Variants in LRRC57 observed in about 807,000 individuals in gnomAD.
The protein encoded by LRRC57 is leucine-rich repeat-containing protein 57.
In LRRC57, 14 loss-of-function variants were observed where a neutral mutation model predicts 23.1. That is an observed-to-expected ratio of 0.61 (90% CI 0.40 to 0.95). The LOEUF (loss-of-function observed/expected upper bound fraction) is 0.95. Ranked by LOEUF, LRRC57 falls within the 40% of genes least tolerant of loss-of-function variation. The pLI, the probability that LRRC57 is intolerant of heterozygous loss-of-function variation, is 0.00. For synonymous variants in LRRC57, 106 were observed against 115.2 expected, an observed-to-expected ratio of 0.92 and a Z score of 0.51; for missense variants, 236 against 284.4, an observed-to-expected ratio of 0.83 and a Z score of 1.22.
the LRRC57 span, chr15:42,531,681 T>C: frequency 2.3e-6 from 1 of 438,792 alleles, no homozygotes; most frequent in African/African-American, 2.0e-5. Context: ...TCTAGTATTT[T>C]CTTTCTCAAT....
At chr15:42,544,544 C>T (rs1375942184) in intron 5 of LRRC57, among the ~76,000 whole-genome samples, 1 of 151,252 alleles carries the variant, frequency 6.6e-6, no homozygotes, top group African/African-American at 2.4e-5. Context: ...CACATAGGGC[C>T]GGGTGTGGTG....
the LRRC57 span, chr15:42,531,775 GA>G: frequency 4.5e-6 from 1 of 223,778 alleles, no homozygotes; most frequent in African/African-American, 2.3e-5. Flanking sequence ...TTGCTTTCAA[GA>G]TTTGGAAGCA....
intron 5 of LRRC57, among the ~76,000 whole-genome samples, chr15:42,544,815 TCACACA>T (rs202009649): frequency 4.2e-4 from 56 of 131,766 alleles, no homozygotes; most frequent in African/African-American, 1.6e-3. Context: ...AGACCCTGTC[TCACACA>T]CACACACACA....
downstream of LRRC57, among the ~76,000 whole-genome samples, chr15:42,533,863 T>TC (rs1326435662): frequency 6.6e-6 from 1 of 152,236 alleles, no homozygotes; most frequent in Non-Finnish European, 1.5e-5. Flanking sequence ...TTTACACTAT[T>TC]CTGTAGTCTA....
the LRRC57 span, among the ~76,000 whole-genome samples, chr15:42,530,766 A>G: frequency 8.5e-5 from 13 of 152,284 alleles, 1 homozygote; most frequent in Admixed American, 8.5e-4. Flanking sequence ...AAAGGAAAAA[A>G]AGAAAGTCAT....
chr15:42,546,644 C>T lies in LRRC57; in HGVS notation c.492+617G>A, dbSNP rs142657186. ...TTTAATATTTCATCACTTGTGCCTT[C>T]ATGCCTAGACAAGAATCTTTGGATT... On this transcript the variant is annotated intron_variant, in intron 4 of 5. Transcript: ENST00000397130. Among the ~76,000 whole-genome samples, 3 of 152,328 alleles carry T rather than the reference C, an allele frequency of 2.0e-5. No homozygotes were observed. In the East Asian group the frequency reaches 5.8e-4, roughly 29 times the overall value.
intron 3 of LRRC57, chr15:42,547,751 T>C (rs1301525407): frequency 2.3e-5 from 13 of 558,512 alleles, no homozygotes; most frequent in Admixed American, 3.4e-5. Context: ...TGGGCTCCTT[T>C]TGTAAAGGGG....
At chr15:42,548,546 T>TC in intron 1 of LRRC57, 90 bp from the exon 2 acceptor site, 1 of 1,045,560 alleles carries the variant, frequency 9.6e-7, no homozygotes, top group East Asian at 2.6e-5. Context: ...CTCCCGCCGA[T>TC]CCCTGGCTCC....
In LRRC57 at chr15:42,548,325, C is replaced by T. The variant is rs369642001; in HGVS notation, c.84+26G>A. ...CCGCCGTCCCTCTCCCTTTAAGTTCCCTGGTCGTGTCCCTCCCAGTCTCAC... is the reference window on the plus strand; with the variant it reads ...CCGCCGTCCCTCTCCCTTTAAGTTCTCTGGTCGTGTCCCTCCCAGTCTCAC... On this transcript the variant is annotated intron_variant, in intron 2 of 5. Coordinates refer to ENST00000397130, the MANE Select transcript of LRRC57 (RefSeq NM_153260.3). 768 of 1,614,138 alleles carry T rather than the reference C, an allele frequency of 4.8e-4. 1 individual carries two copies. Among genetic ancestry groups the T allele is most frequent in the South Asian group, 7.9e-4 (72 of 91,086 alleles).
chr15:42,543,974 TCTC>T lies in LRRC57; in HGVS notation c.*106_*108del, dbSNP rs2057643901. The T allele has an allele frequency of 1.2e-5, 9 of 725,062 alleles. No homozygotes were observed. Among genetic ancestry groups the T allele is most frequent in the Non-Finnish European group, 1.9e-5 (8 of 421,314 alleles). 44.9% of individuals were successfully genotyped at this position (725,062 alleles called of 1,614,324 possible). A position where few individuals can be genotyped will look rare whatever the true frequency, so the allele number is the denominator to read the frequency against. ...TGAAATATAATCTCCTGAAGTATCA[TCTC>T]CTTACTGTAGATACCCCTAACAACA... is the stretch of plus-strand genomic sequence containing the variant. On this transcript the variant is annotated 3_prime_UTR_variant, in exon 6 of 6. Coordinates refer to ENST00000397130, the MANE Select transcript of LRRC57 (RefSeq NM_153260.3).
downstream of LRRC57, among the ~76,000 whole-genome samples, chr15:42,535,508 C>T (rs2057596512): frequency 6.7e-6 from 1 of 149,312 alleles, no homozygotes. Context: ...TACAATGGTG[C>T]GATCTCAGCT....
chr15:42,547,446 T>C lies in LRRC57; in HGVS notation c.307A>G (p.Thr103Ala). The change falls in exon 4 of 6, where the codon ACC (threonine) becomes GCC (alanine). Residue 103 changes from threonine (T) to alanine (A), a missense_variant. Transcript: ENST00000397130. ...TTGAGGGCAGAGAGTTGCCCAAAGG[T>C]AGACGGCAGCTCTCTAAGGTGATTG... ...NNNHLRELPS[T>A]FGQLSALKTL... 1.2e-6 allele frequency: 2 copies of C among 1,614,086 alleles called. No individual in the cohort carries two copies. Among genetic ancestry groups the C allele is most frequent in the South Asian group, 1.1e-5 (1 of 91,082 alleles).
the LRRC57 span, chr15:42,529,946 A>G: frequency 3.5e-4 from 349 of 1,003,596 alleles, 2 homozygotes; most frequent in African/African-American, 5.3e-3. Context: ...CTTAATTCTG[A>G]TGAGGTGGTG....
At chr15:42,545,458 T>TA (rs1007291866) in intron 4 of LRRC57, 196 bp from the exon 5 acceptor site, 24 of 363,884 alleles carry the variant, frequency 6.6e-5, no homozygotes, top group East Asian at 2.9e-4. Context: ...CGCCCCCACT[T>TA]AAAAAAAATG....
downstream of LRRC57, chr15:42,533,046 T>A (rs2057580878): frequency 6.5e-6 from 1 of 152,672 alleles, no homozygotes; most frequent in Non-Finnish European, 1.5e-5. Context: ...TACAATTAAA[T>A]TTTTTAACTA....
At chr15:42,534,964 A>T (rs958180740), downstream of LRRC57, among the ~76,000 whole-genome samples, 1 of 152,212 alleles carries the variant, frequency 6.6e-6, no homozygotes, top group African/African-American at 2.4e-5. Flanking sequence ...CTATATTTTC[A>T]AAATGTTAAA....
intron 3 of LRRC57, 37 bp downstream of exon 3, chr15:42,548,069 T>TG (rs768188415): frequency 4.4e-5 from 71 of 1,611,946 alleles, no homozygotes; most frequent in Non-Finnish European, 5.9e-5. Context: ...TGGTAACAGC[T>TG]GATCACTAGC....
Position 42,540,231 on chromosome 15 carries a change from A to G in LRRC57, c.*3852T>C, listed in dbSNP as rs1595537004. On this transcript the variant is annotated 3_prime_UTR_variant, in exon 6 of 6. Transcript: ENST00000397130. Reference sequence around the variant, plus strand: ...AAAAAGGGCATTCCCAACTGAGTGAACAATACAGTTGGCCCTAAGTATCCA... The same window carrying G: ...AAAAAGGGCATTCCCAACTGAGTGAGCAATACAGTTGGCCCTAAGTATCCA... The G allele has an allele frequency of 6.6e-6, 1 of 152,088 alleles. No individual in the cohort carries two copies. The highest frequency in any genetic ancestry group is 1.9e-4 in the East Asian group (1 of 5,174). 9.4% of individuals were successfully genotyped at this position (152,088 alleles called of 1,614,324 possible). A position where few individuals can be genotyped will look rare whatever the true frequency, so the allele number is the denominator to read the frequency against.
intron 4 of LRRC57, chr15:42,545,550 G>A (rs1311230260): frequency 5.0e-6 from 1 of 201,122 alleles, no homozygotes; most frequent in East Asian, 1.1e-4. Flanking sequence ...TAGAAAATTT[G>A]AGAATCACAG....
Sources: gnomAD v4.1 joint callset for allele counts (sites outside exome capture counted in the v4.1 genomes callset) on GRCh38, gnomAD v4.1.1 for gene constraint, MANE v1.5 for transcripts, NCBI Gene and HGNC (gene_info 2026-07-23, HGNC 2026-07-21) for gene names.